Variants in NUDT7 observed in about 807,000 individuals in gnomAD.
NUDT7 encodes the protein nudix hydrolase 7.
In NUDT7, 19 loss-of-function variants were observed where a neutral mutation model predicts 13.1. The ratio of observed to expected loss-of-function variants is 1.45; its 90% confidence interval spans 1.01 to 2.13. The LOEUF is 2.13. NUDT7 is among the 30% of genes most tolerant of loss of function. The pLI is 0.00. For missense variants in NUDT7, 360 were observed against 291.7 expected, an observed-to-expected ratio of 1.23 and a Z score of -1.71; for synonymous variants, 132 against 109.7, an observed-to-expected ratio of 1.20 and a Z score of -1.27.
At chr16:77,732,607 G>A (rs2014352796) in intron 2 of NUDT7, among the ~76,000 whole-genome samples, 3 of 152,102 alleles carry the variant, frequency 2.0e-5, no homozygotes, top group Admixed American at 2.0e-4. Flanking sequence ...ACTATTGCCT[G>A]CAATATCCAG....
At position 77,728,324 on chromosome 16, in the gene NUDT7, T is replaced by C. The variant is rs547085847; in HGVS notation, c.189+2740T>C. Among the ~76,000 whole-genome samples the C allele has an allele frequency of 3.2e-4, 49 of 152,256 alleles. 1 individual carries two copies. Among genetic ancestry groups the C allele is most frequent in the East Asian group, 2.7e-3 (14 of 5,164 alleles). On this transcript the variant is annotated intron_variant, in intron 2 of 3. Coordinates refer to ENST00000268533, the MANE Select transcript of NUDT7 (RefSeq NM_001105663.3). ...CTCAGCTCACTGCAACCTCCGCCTC[T>C]TGGGTTCAAGCAATTCTCCCACCTC...
intron 3 of NUDT7, 73 bp from the exon 4 acceptor site, chr16:77,741,509 A>G (rs2014658000): frequency 1.4e-6 from 2 of 1,452,310 alleles, no homozygotes; most frequent in Non-Finnish European, 1.8e-6. Context: ...CTCACCTAGA[A>G]GTGGCATGAT....
At position 77,742,045 on chromosome 16, in the gene NUDT7, T is replaced by C. The variant is rs1260361153; in HGVS notation, c.*95T>C. 19 of 1,486,678 alleles carry C rather than the reference T, an allele frequency of 1.3e-5. No individual in the cohort carries two copies. Among genetic ancestry groups the C allele is most frequent in the Non-Finnish European group, 1.7e-5 (19 of 1,127,686 alleles). 92.1% of individuals were successfully genotyped at this position (1,486,678 alleles called of 1,614,324 possible). A position where few individuals can be genotyped will look rare whatever the true frequency, so the allele number is the denominator to read the frequency against. On this transcript the variant is annotated 3_prime_UTR_variant, in exon 4 of 4. Transcript: ENST00000268533. ...ATGCCAGCTGTTGGAATTTGACAGG[T>C]GTGAATATTTTTTCTGCAGTATGTA... is the stretch of plus-strand genomic sequence containing the variant.
intron 3 of NUDT7, chr16:77,736,336 G>C (rs13330636): frequency 0.013 from 2,459 of 193,534 alleles, 63 homozygotes; most frequent in African/African-American, 0.053. Context: ...GTTGAAAAAA[G>C]AACAGACACT....
At chr16:77,734,408 G>A (rs764984557) in intron 2 of NUDT7, among the ~76,000 whole-genome samples, 1 of 152,132 alleles carries the variant, frequency 6.6e-6, no homozygotes, top group Non-Finnish European at 1.5e-5. Flanking sequence ...CAGATCACGA[G>A]GTCAGAAGAT....
chr16:77,732,775 G>A (rs1337904648), intron 2 of NUDT7, among the ~76,000 whole-genome samples: 1 of 149,260 alleles, frequency 6.7e-6, no homozygotes, highest in South Asian at 2.1e-4. Context: ...ACGTGTCCCT[G>A]TTGTTGAGTA....
intron 2 of NUDT7, among the ~76,000 whole-genome samples, chr16:77,733,574 A>C (rs2014384548): frequency 1.3e-5 from 2 of 152,198 alleles, no homozygotes; most frequent in South Asian, 4.1e-4. Context: ...CCTTACATAG[A>C]TATATGGCCT....
chr16:77,727,241 G>A (rs953644120), intron 2 of NUDT7, among the ~76,000 whole-genome samples: 1 of 152,128 alleles, frequency 6.6e-6, no homozygotes, highest in African/African-American at 2.4e-5. Context: ...AACTTCCAAG[G>A]AAAAGCTGGT....
intron 3 of NUDT7, among the ~76,000 whole-genome samples, chr16:77,738,704 A>G (rs551809506): frequency 6.6e-6 from 1 of 152,280 alleles, no homozygotes; most frequent in Non-Finnish European, 1.5e-5. Flanking sequence ...CCTCCAGAGT[A>G]GCTACCTATG....
intron 2 of NUDT7, 85 bp from the exon 3 acceptor site, chr16:77,735,743 T>C: frequency 1.6e-6 from 2 of 1,261,242 alleles, no homozygotes; most frequent in Non-Finnish European, 1.1e-6. Context: ...TGGTACAAAA[T>C]AGAAGTCCAG....
chr16:77,738,394 A>G (rs78868391), intron 3 of NUDT7, among the ~76,000 whole-genome samples: 2,412 of 152,250 alleles, frequency 0.016, 74 homozygotes, highest in African/African-American at 0.056. Flanking sequence ...AGATTAAACA[A>G]AGGCTTTAAA....
rs768134839 is a variant in NUDT7 at position 77,735,827 on chromosome 16, G to A, written c.190-1G>A. 1.9e-6 allele frequency: 3 copies of A among 1,612,938 alleles called. No individual in the cohort carries two copies. The highest frequency in any genetic ancestry group is 2.5e-6 in the Non-Finnish European group (3 of 1,179,124). On this transcript the variant is annotated splice_acceptor_variant, in intron 2 of 3. Transcript: ENST00000268533. LOFTEE classifies it high-confidence loss of function. ...TGTAGCGCTGTTCTTTCTATATCCAGCTAAGAAGGGCCCCTGGAGAAGTTT... is the reference window on the plus strand; with the variant it reads ...TGTAGCGCTGTTCTTTCTATATCCAACTAAGAAGGGCCCCTGGAGAAGTTT...
intron 3 of NUDT7, chr16:77,736,709 TC>T: frequency 7.2e-6 from 2 of 279,188 alleles, no homozygotes; most frequent in South Asian, 3.3e-5. Flanking sequence ...CAAGTGATCC[TC>T]CCACCTCAGC....
intron 1 of NUDT7, 62 bp from the exon 2 acceptor site, chr16:77,725,369 C>A: frequency 6.8e-7 from 1 of 1,472,836 alleles, no homozygotes; most frequent in Non-Finnish European, 9.3e-7. Context: ...AGAGGCAGGA[C>A]TATAAGCTTT....
chr16:77,735,047 G>A (rs1016030689), intron 2 of NUDT7, among the ~76,000 whole-genome samples: 15 of 152,256 alleles, frequency 9.9e-5, no homozygotes, highest in African/African-American at 3.4e-4. Context: ...GACCCAGTGG[G>A]AAAAATCTTT....
chr16:77,731,479 A>G (rs2014317202), intron 2 of NUDT7, among the ~76,000 whole-genome samples: 1 of 152,198 alleles, frequency 6.6e-6, no homozygotes, highest in African/African-American at 2.4e-5. Flanking sequence ...ATGCTGGTGT[A>G]AACAAACCTA....
intron 3 of NUDT7, 33 bp downstream of exon 3, chr16:77,736,019 T>G: frequency 6.2e-7 from 1 of 1,603,638 alleles, no homozygotes. Context: ...ATGAGCACCG[T>G]CCCCACCCCC....
chr16:77,740,434 C>T (rs1157410964), intron 3 of NUDT7, among the ~76,000 whole-genome samples: 2 of 152,190 alleles, frequency 1.3e-5, no homozygotes, highest in Admixed American at 6.5e-5. Flanking sequence ...GCAGCTCTTA[C>T]CAGTTCCCAC....
intron 2 of NUDT7, among the ~76,000 whole-genome samples, chr16:77,734,700 A>G (rs893596918): frequency 1.3e-5 from 2 of 151,854 alleles, no homozygotes; most frequent in African/African-American, 4.9e-5. Flanking sequence ...TACACACAAT[A>G]GAATACTATT....
Sources: gnomAD v4.1 joint callset for allele counts (sites outside exome capture counted in the v4.1 genomes callset) on GRCh38, gnomAD v4.1.1 for gene constraint, MANE v1.5 for transcripts, NCBI Gene and HGNC (gene_info 2026-07-23, HGNC 2026-07-21) for gene names.